Variants in CSMD1 observed in about 807,000 individuals in gnomAD.
The protein encoded by CSMD1 is CUB and Sushi multiple domains 1.
A neutral mutation model predicts 417.5 loss-of-function variants in CSMD1; 213 were observed. That is an observed-to-expected ratio of 0.51 (90% CI 0.46 to 0.57). CSMD1 has a LOEUF of 0.57. Among genes scored for constraint, CSMD1 ranks in the 20% least tolerant of loss-of-function variants. The pLI, the probability that CSMD1 is intolerant of heterozygous loss-of-function variation, is 0.00. For missense variants in CSMD1, 6,923 were observed against 4,529.7 expected (o/e 1.53, Z -15.17); for synonymous variants, 2,862 against 1,736.8 (o/e 1.65, Z -16.11).
chr8:3,455,101 A>C (rs1474259789), intron 12 of CSMD1, among the ~76,000 whole-genome samples: 1 of 152,152 alleles, frequency 6.6e-6, no homozygotes, highest in African/African-American at 2.4e-5. Context: ...CTATCGATCG[A>C]ATCGGCTACT....
At chr8:3,011,938 A>T (rs1171038986) in intron 52 of CSMD1, among the ~76,000 whole-genome samples, 1 of 152,214 alleles carries the variant, frequency 6.6e-6, no homozygotes, top group African/African-American at 2.4e-5. Context: ...TCCTGGGTGG[A>T]TTAGCAAGTG....
intron 5 of CSMD1, among the ~76,000 whole-genome samples, chr8:3,952,035 C>A (rs1811631732): frequency 6.6e-6 from 1 of 152,150 alleles, no homozygotes; most frequent in Admixed American, 6.5e-5. Flanking sequence ...TGAAAAGATA[C>A]TGACCTAGGT....
intron 10 of CSMD1, among the ~76,000 whole-genome samples, chr8:3,501,585 C>G (rs1021732983): frequency 6.6e-6 from 1 of 152,112 alleles, no homozygotes; most frequent in African/African-American, 2.4e-5. Flanking sequence ...AATGACAACT[C>G]AGAACACACT....
chr8:4,764,900 AC>A (rs1212096446), intron 1 of CSMD1, among the ~76,000 whole-genome samples: 106 of 9,402 alleles, frequency 0.011, 3 homozygotes, highest in African/African-American at 0.034. Flanking sequence ...AAAAACAACA[AC>A]AACAAAAAAA....
intron 3 of CSMD1, among the ~76,000 whole-genome samples, chr8:4,106,323 G>T (rs1801566267): frequency 6.6e-6 from 1 of 152,148 alleles, no homozygotes. Context: ...AATTCTAAAA[G>T]GAAGTATCCA....
rs561246039 is a variant in CSMD1 at position 4,311,145 on chromosome 8, C to G, written c.415+108808G>C. On this transcript the variant is annotated intron_variant, in intron 3 of 69. Transcript: ENST00000635120. ...GCCACTCAACCCAGCAATACCGTGA[C>G]TGGCTGTAAGCCCAGTGGAATATAA... is the stretch of plus-strand genomic sequence containing the variant. 2.6e-5 allele frequency among the ~76,000 whole-genome samples: 4 copies of G among 152,308 alleles called. No individual in the cohort carries two copies. The South Asian group carries it at 6.2e-4, about 24-fold the overall frequency.
intron 1 of CSMD1, among the ~76,000 whole-genome samples, chr8:4,992,933 G>A (rs1334350380): frequency 1.3e-5 from 2 of 152,224 alleles, no homozygotes; most frequent in Non-Finnish European, 2.9e-5. Context: ...TGCCGGTGAG[G>A]AGGAGCTGGT....
At chr8:4,691,251 C>A (rs183736073) in intron 1 of CSMD1, among the ~76,000 whole-genome samples, 337 of 152,246 alleles carry the variant, frequency 2.2e-3, no homozygotes, top group African/African-American at 7.8e-3. Flanking sequence ...GGAAAGCCAA[C>A]CTGTCAGCAG....
chr8:3,484,638 A>G (rs1161433707), intron 11 of CSMD1, among the ~76,000 whole-genome samples: 1 of 152,216 alleles, frequency 6.6e-6, no homozygotes, highest in Non-Finnish European at 1.5e-5. Flanking sequence ...CCACATGAAG[A>G]AAGTGAAAAG....
At chr8:3,537,216 G>C (rs953033639) in intron 10 of CSMD1, among the ~76,000 whole-genome samples, 21 of 152,096 alleles carry the variant, frequency 1.4e-4, no homozygotes, top group Non-Finnish European at 2.1e-4. Context: ...GGCCAAGATA[G>C]TCAGTCTCGA....
chr8:4,791,385 G>T (rs59275405), intron 1 of CSMD1, among the ~76,000 whole-genome samples: 1 of 152,062 alleles, frequency 6.6e-6, no homozygotes, highest in Non-Finnish European at 1.5e-5. Flanking sequence ...TTCCAATTCA[G>T]CCCTTTGACT....
At chr8:4,429,465 G>T (rs908299261) in intron 2 of CSMD1, among the ~76,000 whole-genome samples, 2 of 151,854 alleles carry the variant, frequency 1.3e-5, no homozygotes, top group African/African-American at 2.4e-5. Context: ...TGGTTCTTTG[G>T]CAACTCCTCC....
intron 3 of CSMD1, among the ~76,000 whole-genome samples, chr8:4,036,548 T>C (rs1431221930): frequency 6.6e-6 from 1 of 152,188 alleles, no homozygotes; most frequent in African/African-American, 2.4e-5. Flanking sequence ...ATGAAAAATA[T>C]TTATTCTGTT....
chr8:3,854,779 G>A (rs1051860772), intron 5 of CSMD1, among the ~76,000 whole-genome samples: 1 of 151,696 alleles, frequency 6.6e-6, no homozygotes, highest in Admixed American at 6.6e-5. Context: ...ATTAAGAAGT[G>A]GTGATCAAAA....
chr8:4,534,883 C>T (rs1797023913), intron 2 of CSMD1, among the ~76,000 whole-genome samples: 1 of 152,168 alleles, frequency 6.6e-6, no homozygotes, highest in Non-Finnish European at 1.5e-5. Flanking sequence ...CTGCCTCAGC[C>T]TCCCAAGTAG....
chr8:4,235,802 TTG>T (rs1388233268), intron 3 of CSMD1, among the ~76,000 whole-genome samples: 160 of 152,312 alleles, frequency 1.1e-3, no homozygotes, highest in African/African-American at 3.8e-3. Flanking sequence ...TTTGAAACAT[TTG>T]TTTTTGTAAC....
At chr8:3,367,347 G>A (rs931966973) in intron 19 of CSMD1, 100 bp from the exon 20 acceptor site, 2 of 723,384 alleles carry the variant, frequency 2.8e-6, no homozygotes, top group Non-Finnish European at 2.4e-6. Context: ...GAGACATAGA[G>A]ATGACAGAGA....
At chr8:4,325,971 C>G (rs564727180) in intron 3 of CSMD1, among the ~76,000 whole-genome samples, 49 of 152,240 alleles carry the variant, frequency 3.2e-4, no homozygotes, top group African/African-American at 1.1e-3. Flanking sequence ...TACAGTAGCA[C>G]AATTTCCTTC....
chr8:3,613,052 A>AT (rs545946174), intron 8 of CSMD1, among the ~76,000 whole-genome samples: 4 of 152,120 alleles, frequency 2.6e-5, no homozygotes, highest in East Asian at 1.9e-4. Context: ...AACAAGTAAA[A>AT]TTTTTTTAAA....
Sources: allele counts gnomAD v4.1 joint callset (sites outside exome capture counted in the v4.1 genomes callset), GRCh38; gene constraint gnomAD v4.1.1; transcripts MANE v1.5; gene names NCBI Gene and HGNC (gene_info 2026-07-23, HGNC 2026-07-21).